Variants in C3orf22 observed in about 807,000 individuals in gnomAD.
The protein encoded by C3orf22 is chromosome 3 open reading frame 22.
In C3orf22, 7 loss-of-function variants were observed where a neutral mutation model predicts 10.8. That is an observed-to-expected ratio of 0.65 (90% CI 0.37 to 1.22). C3orf22 has a LOEUF of 1.22. Ranked by LOEUF, C3orf22 falls within the 50% of genes most tolerant of loss-of-function variation. The probability of loss-of-function intolerance (pLI) is 0.02; values close to 1 mark genes in which losing one functional copy is unlikely to be tolerated. For missense variants in C3orf22, 173 were observed against 177.0 expected (o/e 0.98, Z 0.13); for synonymous variants, 79 against 78.9 (o/e 1.00, Z 0.00).
chr3:126,556,729 AG>A (rs1266400553), intron 1 of C3orf22, among the ~76,000 whole-genome samples: 1 of 150,918 alleles, frequency 6.6e-6, no homozygotes, highest in Non-Finnish European at 1.5e-5. Context: ...CCCCACACAC[AG>A]ACTCATACTC....
intron 4 of C3orf22, among the ~76,000 whole-genome samples, chr3:126,533,827 A>G (rs1005599725): frequency 1.3e-5 from 2 of 152,178 alleles, no homozygotes; most frequent in South Asian, 4.1e-4. Context: ...AGTAAAATTT[A>G]CCAGTGAAGC....
At chr3:126,546,126 G>A (rs766875207), downstream of C3orf22, among the ~76,000 whole-genome samples, 3 of 152,188 alleles carry the variant, frequency 2.0e-5, no homozygotes, top group Non-Finnish European at 4.4e-5. Flanking sequence ...TTTAGGTCGG[G>A]TGCCTCAATG....
chr3:126,540,177 G>A lies in C3orf22; in HGVS notation c.286+9360C>T, dbSNP rs143813856. Among the ~76,000 whole-genome samples, 43 of 152,152 alleles carry A rather than the reference G, an allele frequency of 2.8e-4. 1 individual carries two copies. The East Asian group carries it at 5.2e-3, about 19-fold the overall frequency. On this transcript the variant is annotated intron_variant and NMD_transcript_variant, in intron 4 of 5. Transcript: ENST00000505070. Reference sequence around the variant, plus strand: ...TGGCTCTGGTGTTCCTCCAAAGGCCGCTTTGGCCTCCTCTGAAATGGAAAC... The same window carrying A: ...TGGCTCTGGTGTTCCTCCAAAGGCCACTTTGGCCTCCTCTGAAATGGAAAC...
At position 126,552,122 on chromosome 3, in the gene C3orf22, C is replaced by T; in HGVS notation, c.90G>A (p.Arg30=). Residue 30 remains arginine (R), a splice_region_variant and synonymous_variant, in exon 3 of 4, where the codon AGG becomes AGA. Coordinates refer to ENST00000318225, the MANE Select transcript of C3orf22 (RefSeq NM_152533.3). ...QENFAKKFPY[R]LSWLTEPDPE... ...GGTCGGGCTCTGTCAGCCACGACAA[C>T]CTGCAACAGCACTTGGAATGTCAAC... is the stretch of plus-strand genomic sequence containing the variant. The T allele has an allele frequency of 6.2e-7, 1 of 1,613,720 alleles. No homozygotes were observed. Among genetic ancestry groups the T allele is most frequent in the Non-Finnish European group, 8.5e-7 (1 of 1,179,906 alleles).
At chr3:126,553,584 C>T (rs1008367538) in intron 1 of C3orf22, among the ~76,000 whole-genome samples, 154 bp from the exon 2 acceptor site, 2 of 152,226 alleles carry the variant, frequency 1.3e-5, no homozygotes, top group East Asian at 1.9e-4. Flanking sequence ...TTTTCTCCTG[C>T]GTGTAGCTTC....
intron 4 of C3orf22, among the ~76,000 whole-genome samples, chr3:126,544,478 C>T (rs1381239545): frequency 1.3e-5 from 2 of 152,246 alleles, no homozygotes; most frequent in East Asian, 1.9e-4. Flanking sequence ...AGGATGGGGC[C>T]TTGGCCACAC....
chr3:126,549,556 GGATAAA>G, downstream of C3orf22: 1 of 935,436 alleles, frequency 1.1e-6, no homozygotes. Flanking sequence ...TGTACATTTG[GGATAAA>G]GTCCTAGAAG....
intron 4 of C3orf22, among the ~76,000 whole-genome samples, chr3:126,535,857 A>G (rs1233200710): frequency 6.6e-6 from 1 of 152,262 alleles, no homozygotes; most frequent in Admixed American, 6.5e-5. Flanking sequence ...CTGGCTGCCC[A>G]TACACAGGAT....
intron 5 of C3orf22, among the ~76,000 whole-genome samples, chr3:126,528,614 C>T (rs1246085283): frequency 2.0e-5 from 3 of 152,014 alleles, no homozygotes; most frequent in Non-Finnish European, 4.4e-5. Context: ...GGGGCCTACC[C>T]GGGGCTGGCC....
At chr3:126,530,546 C>G (rs572785482) in intron 4 of C3orf22, among the ~76,000 whole-genome samples, 1 of 152,358 alleles carries the variant, frequency 6.6e-6, no homozygotes, top group African/African-American at 2.4e-5. Context: ...GAAAGGGACA[C>G]GTCTCATCTG....
chr3:126,530,466 C>A (rs1405335488), intron 4 of C3orf22, among the ~76,000 whole-genome samples: 3 of 152,184 alleles, frequency 2.0e-5, no homozygotes. Flanking sequence ...AACTGCCCCT[C>A]CACCCCCTGC....
chr3:126,550,045 G>T lies in C3orf22; in HGVS notation c.249C>A (p.Gly83=). Residue 83 remains glycine, a synonymous_variant, in exon 4 of 4, where the codon GGC becomes GGA. Transcript: ENST00000318225. ...GTGCTGGTAGTGGTGCCGGGCAGGAGCCAGACGGTGATGTAAAATCTGGAG... is the reference window on the plus strand; with the variant it reads ...GTGCTGGTAGTGGTGCCGGGCAGGATCCAGACGGTGATGTAAAATCTGGAG... The part of the protein sequence containing the change: ...LGAPDFTSPS[G]SCPAPLPAPS... 6.2e-7 allele frequency: 1 copy of T among 1,613,982 alleles called. No homozygotes were observed. The highest frequency in any genetic ancestry group is 8.5e-7 in the Non-Finnish European group (1 of 1,179,898).
chr3:126,543,858 C>T (rs1303904173), intron 4 of C3orf22, among the ~76,000 whole-genome samples: 1 of 152,148 alleles, frequency 6.6e-6, no homozygotes, highest in East Asian at 1.9e-4. Flanking sequence ...GGGTGGCCAA[C>T]TCCAGTGGAC....
In C3orf22 at chr3:126,558,679, G is replaced by A. The variant is rs1008571444; in HGVS notation, c.-93C>T. The A allele has an allele frequency of 2.6e-5, 4 of 152,344 alleles. No individual in the cohort carries two copies. Among genetic ancestry groups the A allele is most frequent in the Non-Finnish European group, 5.9e-5 (4 of 68,108 alleles). The allele number at this position is 152,344 out of a possible 1,614,324, so 9.4% of individuals were successfully genotyped here. The stretch of plus-strand genomic sequence containing the variant: ...GACGATGATCAGGTGTGATCAGAGA[G>A]TCCTGGAACTGCTCCTATCCAGCAA... On this transcript the variant is annotated 5_prime_UTR_variant, in exon 1 of 4. Coordinates refer to ENST00000318225, the MANE Select transcript of C3orf22 (RefSeq NM_152533.3).
chr3:126,542,135 G>A (rs1336664288), intron 4 of C3orf22: 4 of 1,564,832 alleles, frequency 2.6e-6, no homozygotes, highest in African/African-American at 2.8e-5. Context: ...CTACAGCGCC[G>A]CCTTCCAGAG....
At chr3:126,537,771 T>G (rs1391798457) in intron 4 of C3orf22, among the ~76,000 whole-genome samples, 1 of 152,232 alleles carries the variant, frequency 6.6e-6, no homozygotes, top group Non-Finnish European at 1.5e-5. Flanking sequence ...AAAAACCATC[T>G]GGCCAACAAG....
At chr3:126,541,456 A>T (rs2107573345) in intron 4 of C3orf22, among the ~76,000 whole-genome samples, 1 of 152,286 alleles carries the variant, frequency 6.6e-6, no homozygotes. Flanking sequence ...ACAATTCCTT[A>T]TCACTCCTCC....
intron 4 of C3orf22, among the ~76,000 whole-genome samples, chr3:126,540,781 C>A (rs1936941793): frequency 6.6e-6 from 1 of 152,168 alleles, no homozygotes; most frequent in Non-Finnish European, 1.5e-5. Context: ...TGAGGAACTG[C>A]CAAACTGCTT....
chr3:126,548,061 C>T (rs1937098156), downstream of C3orf22, among the ~76,000 whole-genome samples: 1 of 152,234 alleles, frequency 6.6e-6, no homozygotes, highest in African/African-American at 2.4e-5. Flanking sequence ...GTGGTGCGAT[C>T]TCAGCTCACT....
Sources: allele counts gnomAD v4.1 joint callset (sites outside exome capture counted in the v4.1 genomes callset), GRCh38; gene constraint gnomAD v4.1.1; transcripts MANE v1.5; gene names NCBI Gene and HGNC (gene_info 2026-07-23, HGNC 2026-07-21).